MYO16: variants seen among roughly 807,000 people sequenced by gnomAD.
MYO16 encodes the protein unconventional myosin-XVI.
MYO16 carries 94 observed loss-of-function variants against 205.3 expected under a neutral mutation model. The observed-to-expected ratio is 0.46, with a 90% confidence interval of 0.39 to 0.54. The LOEUF is 0.54. MYO16 is among the 20% of genes least tolerant of loss of function. MYO16 has a pLI of 0.00. For synonymous variants in MYO16, 988 were observed against 954.0 expected (o/e 1.04, Z -0.66); for missense variants, 2,315 against 2,387.5 (o/e 0.97, Z 0.63).
chr13:108,579,389 G>T, the MYO16 span, among the ~76,000 whole-genome samples: 1 of 151,962 alleles, frequency 6.6e-6, no homozygotes, highest in Non-Finnish European at 1.5e-5. Context: ...ATGCATTTAG[G>T]TCTGAAGGAT....
chr13:108,757,585 C>T (rs1283719921), intron 4 of MYO16, among the ~76,000 whole-genome samples: 1 of 152,014 alleles, frequency 6.6e-6, no homozygotes, highest in Non-Finnish European at 1.5e-5. Flanking sequence ...CCCAGTAACT[C>T]GTCATTTAAC....
At chr13:108,560,575 A>AT in the MYO16 span, among the ~76,000 whole-genome samples, 3 of 152,058 alleles carry the variant, frequency 2.0e-5, no homozygotes, top group Admixed American at 6.6e-5. Flanking sequence ...GATAACACTG[A>AT]TTTTTCCACT....
At chr13:108,653,158 A>T (rs1180550999) in intron 1 of MYO16, among the ~76,000 whole-genome samples, 1 of 152,012 alleles carries the variant, frequency 6.6e-6, no homozygotes, top group African/African-American at 2.4e-5. Flanking sequence ...GCATATCTTT[A>T]TATGCTTGTT....
At position 108,946,320 on chromosome 13, in the gene MYO16, A is replaced by G. The variant is rs574339218; in HGVS notation, c.1926-11368A>G. On this transcript the variant is annotated intron_variant, in intron 16 of 34. Coordinates refer to ENST00000457511, the MANE Select transcript of MYO16 (RefSeq NM_001198950.3). ...AAAGGGGGTTTGACTTTTATGGCAT[A>G]AATTTTTCACTTATTTTGACAACCT... is the stretch of plus-strand genomic sequence containing the variant. 1.8e-4 allele frequency among the ~76,000 whole-genome samples: 28 copies of G among 152,116 alleles called. 1 individual carries two copies. Among genetic ancestry groups the G allele is most frequent in the African/African-American group, 6.0e-4 (25 of 41,496 alleles).
At chr13:108,624,932 T>C (rs1879677873), upstream of MYO16, among the ~76,000 whole-genome samples, 1 of 152,104 alleles carries the variant, frequency 6.6e-6, no homozygotes, top group Non-Finnish European at 1.5e-5. Flanking sequence ...GTTTTTAAAA[T>C]TGCATTTCTT....
chr13:109,162,501 A>G lies in MYO16; in HGVS notation c.5165-2400A>G, dbSNP rs1380413879. Among the ~76,000 whole-genome samples the G allele has an allele frequency of 6.6e-6, 1 of 152,150 alleles. No individual in the cohort carries two copies. Among genetic ancestry groups the G allele is most frequent in the African/African-American group, 2.4e-5 (1 of 41,432 alleles). ...TGCCTTTCTAAAATCACGAGCTGAA[A>G]TGCAACCTCATGGACCTCACCCACC... On this transcript the variant is annotated intron_variant, in intron 32 of 34. Coordinates refer to ENST00000457511, the MANE Select transcript of MYO16 (RefSeq NM_001198950.3). This position sits in a 1 kb window ranked among gnomAD's most constrained non-coding sequence, Gnocchi z 4.6.
chr13:108,727,873 T>C (rs1884394954), intron 4 of MYO16, among the ~76,000 whole-genome samples: 1 of 152,244 alleles, frequency 6.6e-6, no homozygotes, highest in Non-Finnish European at 1.5e-5. Flanking sequence ...ATAATTTTGC[T>C]TTTCAATTCA....
At chr13:109,104,996 C>T (rs1433078742) in intron 28 of MYO16, among the ~76,000 whole-genome samples, 1 of 152,148 alleles carries the variant, frequency 6.6e-6, no homozygotes, top group Non-Finnish European at 1.5e-5. Context: ...TCCTCCATAG[C>T]GTGGGAACTC....
chr13:108,835,432 T>C (rs1413040790), intron 9 of MYO16, among the ~76,000 whole-genome samples: 3 of 152,210 alleles, frequency 2.0e-5, no homozygotes, highest in Admixed American at 6.5e-5. Context: ...CTTTATAAAT[T>C]ACCCAGTCTC....
chr13:108,509,459 T>C, the MYO16 span, among the ~76,000 whole-genome samples: 15 of 152,218 alleles, frequency 9.9e-5, no homozygotes, highest in Admixed American at 3.9e-4. Flanking sequence ...AGGTTGACTG[T>C]CGGATTGTGT....
chr13:109,116,725 A>G (rs898421226), intron 28 of MYO16, among the ~76,000 whole-genome samples: 3 of 152,164 alleles, frequency 2.0e-5, no homozygotes, highest in Non-Finnish European at 4.4e-5. Flanking sequence ...TTTGTCTGAG[A>G]GGAGGAGATG....
At position 108,823,050 on chromosome 13, in the gene MYO16, A is replaced by G. The variant is rs1186299001; in HGVS notation, c.944-75A>G. The G allele has an allele frequency of 3.7e-6, 5 of 1,346,288 alleles. No individual in the cohort carries two copies. In the East Asian group the frequency reaches 1.1e-4, roughly 31 times the overall value. 83.4% of individuals were successfully genotyped at this position (1,346,288 alleles called of 1,614,324 possible). ...TTTTTAGCATTTTAAGCATATCGGA[A>G]TTATTGAAAGTAAATAGATTTATGT... is the stretch of plus-strand genomic sequence containing the variant. On this transcript the variant is annotated intron_variant, in intron 8 of 34. Transcript: ENST00000457511.
At chr13:108,907,448 T>C (rs1032608711) in intron 15 of MYO16, among the ~76,000 whole-genome samples, 1 of 152,218 alleles carries the variant, frequency 6.6e-6, no homozygotes, top group Non-Finnish European at 1.5e-5. Context: ...TTTCTTTTTA[T>C]GTATGAACAC....
At chr13:109,022,673 T>G (rs1886111304) in intron 23 of MYO16, among the ~76,000 whole-genome samples, 1 of 63,018 alleles carries the variant, frequency 1.6e-5, no homozygotes, top group Non-Finnish European at 3.4e-5. Context: ...ATATATTATA[T>G]ATACACATAT....
chr13:108,838,988 C>G (rs1181894852), intron 9 of MYO16, among the ~76,000 whole-genome samples: 1 of 151,740 alleles, frequency 6.6e-6, no homozygotes, highest in Non-Finnish European at 1.5e-5. Flanking sequence ...TTTTTTGTTA[C>G]CTATAACAGG....
At chr13:108,554,860 A>AG in the MYO16 span, among the ~76,000 whole-genome samples, 29 of 151,096 alleles carry the variant, frequency 1.9e-4, no homozygotes, top group Admixed American at 1.6e-3. Context: ...AAAAAAAAAA[A>AG]AAAAAAAAAA....
At chr13:108,748,255 A>G (rs1049593930) in intron 4 of MYO16, among the ~76,000 whole-genome samples, 1 of 152,130 alleles carries the variant, frequency 6.6e-6, no homozygotes, top group Non-Finnish European at 1.5e-5. Flanking sequence ...CTTAAAAATT[A>G]TATGTAGCCC....
chr13:108,650,705 A>G (rs1449205645), intron 1 of MYO16, among the ~76,000 whole-genome samples: 2 of 152,336 alleles, frequency 1.3e-5, no homozygotes, highest in East Asian at 3.9e-4. Context: ...TCTTAATTCC[A>G]AAGCATCATC....
chr13:108,640,702 A>T (rs9972037), intron 1 of MYO16, among the ~76,000 whole-genome samples: 3,924 of 152,282 alleles, frequency 0.026, 165 homozygotes, highest in African/African-American at 0.082. Flanking sequence ...ACCAAAAATC[A>T]TCAAAGGCCA....
Sources: gnomAD v4.1 joint callset for allele counts (sites outside exome capture counted in the v4.1 genomes callset) on GRCh38, gnomAD v4.1.1 for gene constraint, Gnocchi (gnomAD v3.1) non-coding constraint, MANE v1.5 for transcripts, NCBI Gene and HGNC (gene_info 2026-07-23, HGNC 2026-07-21) for gene names.